Variants in LRRC37A2 observed in about 807,000 individuals in gnomAD.
LRRC37A2 encodes leucine-rich repeat-containing protein 37A2.
A neutral mutation model predicts 68.8 loss-of-function variants in LRRC37A2; 9 were observed. The observed-to-expected ratio is 0.13, with a 90% CI of 0.08 to 0.23. The LOEUF is 0.23. Ranked by LOEUF, LRRC37A2 falls within the 10% of genes least tolerant of loss-of-function variation. LRRC37A2 has a pLI of 1.00. For synonymous variants in LRRC37A2, 63 were observed against 367.6 expected, an observed-to-expected ratio of 0.17 and a Z score of 9.48; for missense variants, 168 against 950.4, an observed-to-expected ratio of 0.18 and a Z score of 10.82.
At chr17:47,044,076 C>A in the LRRC37A2 span, among the ~76,000 whole-genome samples, 22 of 101,934 alleles carry the variant, frequency 2.2e-4, 1 homozygote, top group East Asian at 4.4e-3. Flanking sequence ...AGATGAACAA[C>A]GAATTATGAT....
At chr17:46,941,241 C>T in the LRRC37A2 span, 10 of 994,480 alleles carry the variant, frequency 1.0e-5, no homozygotes, top group East Asian at 1.0e-4. Flanking sequence ...GACTTCACTG[C>T]GGAGTTCTGT....
the LRRC37A2 span, chr17:46,773,645 C>CCCCCCCCCCA: frequency 7.1e-7 from 1 of 1,399,540 alleles, no homozygotes; most frequent in Non-Finnish European, 9.6e-7. Flanking sequence ...GCCCCTCCCC[C>CCCCCCCCCCA]CCCCTCAGCC....
chr17:46,873,080 G>A, the LRRC37A2 span, among the ~76,000 whole-genome samples: 3 of 131,724 alleles, frequency 2.3e-5, no homozygotes, highest in Admixed American at 7.9e-5. Flanking sequence ...GTCTCCCTCT[G>A]CCTCTTCACA....
At chr17:46,943,640 G>A in the LRRC37A2 span, among the ~76,000 whole-genome samples, 39 of 152,054 alleles carry the variant, frequency 2.6e-4, no homozygotes, top group South Asian at 8.3e-4. Context: ...TCGGGTAAGC[G>A]GCTGCAGGAG....
chr17:46,983,440 G>T, the LRRC37A2 span, among the ~76,000 whole-genome samples: 3 of 152,058 alleles, frequency 2.0e-5, no homozygotes, highest in Admixed American at 1.3e-4. Context: ...GATTACAGGT[G>T]TCCGCCACCA....
chr17:46,783,647 G>A, the LRRC37A2 span, among the ~76,000 whole-genome samples: 1 of 152,184 alleles, frequency 6.6e-6, no homozygotes, highest in Non-Finnish European at 1.5e-5. Context: ...CGGTCAGGGC[G>A]AGCGATCTCT....
the LRRC37A2 span, among the ~76,000 whole-genome samples, chr17:46,791,394 A>G: frequency 1.3e-5 from 2 of 151,994 alleles, no homozygotes; most frequent in African/African-American, 4.8e-5. Context: ...TTTAGTAGAG[A>G]CGGGGTTTCA....
the LRRC37A2 span, chr17:46,722,254 A>G: frequency 1.8e-6 from 2 of 1,124,648 alleles, no homozygotes; most frequent in Middle Eastern, 2.8e-4. Context: ...CATTCTTAAG[A>G]TTAATTTTGG....
At chr17:46,730,328 T>C in the LRRC37A2 span, among the ~76,000 whole-genome samples, 2 of 152,122 alleles carry the variant, frequency 1.3e-5, no homozygotes, top group African/African-American at 4.8e-5. Context: ...TAGCTGAAAA[T>C]AATTTATGCT....
the LRRC37A2 span, among the ~76,000 whole-genome samples, chr17:46,732,610 C>A: frequency 2.6e-5 from 4 of 151,902 alleles, no homozygotes; most frequent in African/African-American, 9.7e-5. Flanking sequence ...ATTTATTAGC[C>A]CTTTGAAAGT....
the LRRC37A2 span, among the ~76,000 whole-genome samples, chr17:46,922,531 G>T: frequency 1.6e-3 from 244 of 152,234 alleles, 1 homozygote; most frequent in African/African-American, 5.6e-3. Context: ...TACATTTCTT[G>T]TAATTTTGTC....
the LRRC37A2 span, chr17:47,018,805 C>A: frequency 1.2e-4 from 179 of 1,521,078 alleles, no homozygotes; most frequent in Non-Finnish European, 1.5e-4. Context: ...GAGCATTCAC[C>A]CCTGACTCAA....
the LRRC37A2 span, among the ~76,000 whole-genome samples, chr17:47,013,474 A>G: frequency 6.6e-6 from 1 of 152,198 alleles, no homozygotes; most frequent in Non-Finnish European, 1.5e-5. Context: ...AGCATTTTTA[A>G]AATTTCTGGT....
the LRRC37A2 span, among the ~76,000 whole-genome samples, chr17:46,810,866 AG>A: frequency 6.6e-6 from 1 of 152,134 alleles, no homozygotes; most frequent in Admixed American, 6.5e-5. Context: ...ATGGTGGCAG[AG>A]CCAGGTCTCA....
the LRRC37A2 span, among the ~76,000 whole-genome samples, chr17:46,455,713 T>A: frequency 6.7e-6 from 1 of 149,280 alleles, no homozygotes; most frequent in Non-Finnish European, 1.5e-5. Flanking sequence ...TACCCATACT[T>A]AGGAGTGTGA....
At chr17:46,966,796 G>A in the LRRC37A2 span, 4 of 428,396 alleles carry the variant, frequency 9.3e-6, no homozygotes, top group African/African-American at 8.1e-5. Context: ...ATTATTTGAT[G>A]TGGCCGATGA....
At chr17:46,948,319 G>A in the LRRC37A2 span, among the ~76,000 whole-genome samples, 1 of 152,222 alleles carries the variant, frequency 6.6e-6, no homozygotes, top group Non-Finnish European at 1.5e-5. Context: ...GGTAACTGAG[G>A]TTTTGTTGTG....
At chr17:46,939,354 C>T in the LRRC37A2 span, 3 of 1,004,964 alleles carry the variant, frequency 3.0e-6, no homozygotes, top group East Asian at 1.8e-4. Context: ...AGATGTAGTG[C>T]TATTGCCGAT....
At chr17:47,011,377 C>T in the LRRC37A2 span, among the ~76,000 whole-genome samples, 3 of 151,788 alleles carry the variant, frequency 2.0e-5, no homozygotes, top group African/African-American at 7.3e-5. Context: ...GGTGAAACCC[C>T]ATCTCTACTA....
Sources: gnomAD v4.1 joint callset for allele counts (sites outside exome capture counted in the v4.1 genomes callset) on GRCh38, gnomAD v4.1.1 for gene constraint, MANE v1.5 for transcripts, NCBI Gene and HGNC (gene_info 2026-07-23, HGNC 2026-07-21) for gene names.